ELMO1: variants seen among roughly 807,000 people sequenced by gnomAD.
ELMO1 encodes engulfment and cell motility protein 1.
In ELMO1, 26 loss-of-function variants were observed where a neutral mutation model predicts 98.9. The ratio of observed to expected loss-of-function variants is 0.26; its 90% CI spans 0.19 to 0.36. The LOEUF is 0.36. ELMO1 is among the 10% of genes least tolerant of loss of function. ELMO1 has a pLI of 1.00. For missense variants in ELMO1, 627 were observed against 935.2 expected (o/e 0.67, Z 4.30); for synonymous variants, 346 against 346.0 (o/e 1.00, Z 0.00).
chr7:37,372,424 G>A (rs1802154800), intron 1 of ELMO1, among the ~76,000 whole-genome samples: 1 of 152,092 alleles, frequency 6.6e-6, no homozygotes, highest in African/African-American at 2.4e-5. Flanking sequence ...TTGCTGTGAT[G>A]ATTAAATGAT....
At chr7:37,162,587 T>C (rs1306801705) in intron 13 of ELMO1, among the ~76,000 whole-genome samples, 1 of 152,184 alleles carries the variant, frequency 6.6e-6, no homozygotes, top group Admixed American at 6.5e-5. Flanking sequence ...AAGTAGTAAC[T>C]ATTTCACTTG....
At chr7:37,391,603 T>G (rs960777953) in intron 1 of ELMO1, among the ~76,000 whole-genome samples, 2 of 152,214 alleles carry the variant, frequency 1.3e-5, no homozygotes, top group Non-Finnish European at 2.9e-5. Flanking sequence ...GCACACGGCC[T>G]TCGTTACTCA....
chr7:37,436,721 G>A (rs1035767492), intron 1 of ELMO1, among the ~76,000 whole-genome samples: 13 of 152,068 alleles, frequency 8.5e-5, no homozygotes, highest in South Asian at 2.1e-4. Context: ...CAAACAAACC[G>A]GCCACATCCA....
chr7:37,179,529 G>A lies in ELMO1; in HGVS notation c.1086+31857C>T, dbSNP rs149254003. Reference sequence around the variant, plus strand: ...CCTGACCTTGTGATCCGCCTGCCTCGGCCTCCCAAAGTGCTGGGATTACAG... The same window carrying A: ...CCTGACCTTGTGATCCGCCTGCCTCAGCCTCCCAAAGTGCTGGGATTACAG... On this transcript the variant is annotated intron_variant, in intron 13 of 21. Coordinates refer to ENST00000310758, the MANE Select transcript of ELMO1 (RefSeq NM_014800.11). Among the ~76,000 whole-genome samples the A allele has an allele frequency of 6.5e-3, 989 of 152,000 alleles. 36 individuals carry two copies. In the East Asian group the frequency reaches 0.11, roughly 16 times the overall value.
chr7:37,043,120 C>G (rs150945758), intron 15 of ELMO1, among the ~76,000 whole-genome samples: 1 of 152,152 alleles, frequency 6.6e-6, no homozygotes, highest in Non-Finnish European at 1.5e-5. Context: ...GCCTGCTCTC[C>G]GCAGACAATG....
chr7:37,267,036 TATACACACACACAC>T (rs1182041242), intron 5 of ELMO1, among the ~76,000 whole-genome samples: 19 of 26,928 alleles, frequency 7.1e-4, no homozygotes, highest in African/African-American at 2.7e-3. Context: ...AATATGTATA[TATACACACACACAC>T]ACACACACAC....
At chr7:37,117,144 C>A in intron 14 of ELMO1, 1 of 206,526 alleles carries the variant, frequency 4.8e-6, no homozygotes. Context: ...GGTCACTCAG[C>A]CTACAGTTGG....
At chr7:37,102,804 T>C (rs554360230) in intron 14 of ELMO1, among the ~76,000 whole-genome samples, 4 of 152,328 alleles carry the variant, frequency 2.6e-5, no homozygotes, top group Admixed American at 2.0e-4. Flanking sequence ...TTAGATGGCC[T>C]AACCCCAAAG....
intron 16 of ELMO1, among the ~76,000 whole-genome samples, chr7:37,007,717 G>A (rs1362582822): frequency 6.6e-6 from 1 of 152,168 alleles, no homozygotes; most frequent in African/African-American, 2.4e-5. Context: ...TGCCTTTAAG[G>A]TTTTAAACAC....
intron 15 of ELMO1, among the ~76,000 whole-genome samples, chr7:37,014,731 TTTGCTG>T (rs1416535861): frequency 5.3e-5 from 8 of 152,102 alleles, no homozygotes; most frequent in Non-Finnish European, 8.8e-5. Flanking sequence ...AGGTGTTTCA[TTTGCTG>T]TTGGAATCTC....
chr7:37,046,394 G>GA (rs1389140903), intron 15 of ELMO1, among the ~76,000 whole-genome samples: 1 of 152,140 alleles, frequency 6.6e-6, no homozygotes, highest in African/African-American at 2.4e-5. Flanking sequence ...TCAGTAATGA[G>GA]AAAAAAAGCC....
chr7:37,295,838 CTT>C (rs1229575750), intron 4 of ELMO1, among the ~76,000 whole-genome samples: 3 of 152,236 alleles, frequency 2.0e-5, no homozygotes, highest in South Asian at 2.1e-4. Flanking sequence ...AATAATAAGA[CTT>C]TTATTAACAT....
intron 16 of ELMO1, among the ~76,000 whole-genome samples, chr7:36,954,143 C>G (rs569051774): frequency 6.6e-6 from 1 of 152,236 alleles, no homozygotes; most frequent in South Asian, 2.1e-4. Context: ...ATGATCTGGA[C>G]AGCAGACCCC....
At chr7:36,949,094 G>A (rs1255635047) in intron 16 of ELMO1, among the ~76,000 whole-genome samples, 1 of 152,164 alleles carries the variant, frequency 6.6e-6, no homozygotes, top group Non-Finnish European at 1.5e-5. Context: ...GACCTCAGGT[G>A]ATCCACCCGC....
At chr7:37,116,792 G>A (rs1319649244) in intron 14 of ELMO1, 2 of 153,870 alleles carry the variant, frequency 1.3e-5, no homozygotes, top group Non-Finnish European at 2.9e-5. Context: ...GGCTGCTTTT[G>A]CATCAAAACC....
chr7:36,892,112 C>CA (rs1805605147), intron 17 of ELMO1, among the ~76,000 whole-genome samples: 1 of 152,188 alleles, frequency 6.6e-6, no homozygotes, highest in Admixed American at 6.5e-5. Context: ...ATGGAGTTTA[C>CA]ATTTTTCTTC....
chr7:37,399,616 T>C (rs573290564), intron 1 of ELMO1, among the ~76,000 whole-genome samples: 1 of 152,190 alleles, frequency 6.6e-6, no homozygotes, highest in Non-Finnish European at 1.5e-5. Context: ...ACATGCAACA[T>C]GCTTTTGGAT....
At chr7:37,341,569 AC>A (rs1224031149) in intron 2 of ELMO1, among the ~76,000 whole-genome samples, 5 of 152,078 alleles carry the variant, frequency 3.3e-5, no homozygotes, top group African/African-American at 1.2e-4. Context: ...CCAAAAATTT[AC>A]CCTTTCTTAC....
At chr7:37,207,716 G>A (rs1360476769) in intron 13 of ELMO1, among the ~76,000 whole-genome samples, 1 of 151,894 alleles carries the variant, frequency 6.6e-6, no homozygotes, top group Admixed American at 6.6e-5. Flanking sequence ...GCCGAGGTGG[G>A]TGGATCACCT....
Sources: gnomAD v4.1 joint callset for allele counts (sites outside exome capture counted in the v4.1 genomes callset) on GRCh38, gnomAD v4.1.1 for gene constraint, MANE v1.5 for transcripts, NCBI Gene and HGNC (gene_info 2026-07-23, HGNC 2026-07-21) for gene names.